The following SAMD4A variants were observed in gnomAD, a reference collection of about 807,000 sequenced individuals.
The protein encoded by SAMD4A is sterile alpha motif domain containing 4A, also known as protein Smaug homolog 1.
A neutral mutation model predicts 81.3 loss-of-function variants in SAMD4A; 33 were observed. That is an observed-to-expected ratio of 0.41 (90% CI 0.31 to 0.54). The LOEUF is 0.54. Among genes scored for constraint, SAMD4A ranks in the 20% least tolerant of loss-of-function variants. SAMD4A has a pLI of 0.37. For synonymous variants in SAMD4A, 389 were observed against 382.1 expected (o/e 1.02, Z -0.21); for missense variants, 854 against 951.1 (o/e 0.90, Z 1.34).
At position 54,776,683 on chromosome 14, in the gene SAMD4A, T is replaced by C. The variant is rs965747632; in HGVS notation, c.2044+143T>C. 3.8e-6 allele frequency: 4 copies of C among 1,059,746 alleles called. No homozygotes were observed. The African/African-American group carries it at 6.6e-5, about 18-fold the overall frequency. The allele number at this position is 1,059,746 out of a possible 1,614,324, so 65.6% of individuals were successfully genotyped here. A position where few individuals can be genotyped will look rare whatever the true frequency, so the allele number is the denominator to read the frequency against. The stretch of plus-strand genomic sequence containing the variant: ...TAGAAGCCTTTCCTTTTTTAAACTG[T>C]GCCTTGCCAGCATGAATAGCGGCGG... On this transcript the variant is annotated intron_variant, in intron 11 of 12. Coordinates refer to ENST00000554335, the MANE Select transcript of SAMD4A (RefSeq NM_015589.6).
intron 3 of SAMD4A, among the ~76,000 whole-genome samples, chr14:54,709,565 T>C (rs2036939339): frequency 6.6e-6 from 1 of 152,040 alleles, no homozygotes; most frequent in Admixed American, 6.5e-5. Flanking sequence ...TTGGATGACA[T>C]CAGAGCACTT....
intron 2 of SAMD4A, among the ~76,000 whole-genome samples, chr14:54,587,782 G>T (rs2033664165): frequency 6.6e-6 from 1 of 152,092 alleles, no homozygotes; most frequent in Admixed American, 6.5e-5. Context: ...TGTTGGATTT[G>T]GTTCGCTAGT....
Position 54,760,325 on chromosome 14 carries a change from C to T in SAMD4A, c.1341C>T (p.Ser447=), listed in dbSNP as rs1357443188. ...CACTGATGGGCCCCGAGAGCCAGAGCCCCGACTGCAAAGATGGGGCCGCAG... is the reference window on the plus strand; with the variant it reads ...CACTGATGGGCCCCGAGAGCCAGAGTCCCGACTGCAAAGATGGGGCCGCAG... The part of the protein sequence containing the change: ...QPSLMGPESQ[S]PDCKDGAAAT... The change falls in exon 7 of 13, where the codon AGC becomes AGT. Residue 447 remains serine (S), a synonymous_variant. Coordinates refer to ENST00000554335, the MANE Select transcript of SAMD4A (RefSeq NM_015589.6). 1 of 1,605,200 alleles carries T rather than the reference C, an allele frequency of 6.2e-7. No homozygotes were observed. Among genetic ancestry groups the T allele is most frequent in the Non-Finnish European group, 8.5e-7 (1 of 1,178,108 alleles).
chr14:54,759,989 G>A (rs2038347009), intron 6 of SAMD4A, among the ~76,000 whole-genome samples, 172 bp from the exon 7 acceptor site: 1 of 152,128 alleles, frequency 6.6e-6, no homozygotes, highest in Non-Finnish European at 1.5e-5. Context: ...TGTTCTTCCT[G>A]GGCCAATATT....
At chr14:54,579,078 A>T (rs897093142) in intron 2 of SAMD4A, among the ~76,000 whole-genome samples, 6 of 152,224 alleles carry the variant, frequency 3.9e-5, no homozygotes, top group Non-Finnish European at 8.8e-5. Flanking sequence ...ATATTCCTTG[A>T]ATGGTAAGAG....
At chr14:54,770,259 T>C in intron 9 of SAMD4A, 37 bp downstream of exon 9, 1 of 1,414,392 alleles carries the variant, frequency 7.1e-7, no homozygotes, top group South Asian at 1.2e-5. Flanking sequence ...TGCGTAGTGG[T>C]TCCCCTGGCG....
At position 54,574,171 on chromosome 14, in the gene SAMD4A, C is replaced by T. The variant is rs144925622; in HGVS notation, c.196+6059C>T. Reference sequence around the variant, plus strand: ...GTCAAAAGCTGAAATACACATTACTCCTCTCAAGTAGCTTACACTCGAGTT... The same window carrying T: ...GTCAAAAGCTGAAATACACATTACTTCTCTCAAGTAGCTTACACTCGAGTT... On this transcript the variant is annotated intron_variant, in intron 2 of 12. Transcript: ENST00000554335. Among the ~76,000 whole-genome samples, 128 of 152,330 alleles carry T rather than the reference C, an allele frequency of 8.4e-4. 3 individuals carry two copies. In the South Asian group the frequency reaches 0.021, roughly 25 times the overall value.
At chr14:54,688,928 A>ATTATTTTT (rs1314915827) in intron 2 of SAMD4A, among the ~76,000 whole-genome samples, 1 of 81,978 alleles carries the variant, frequency 1.2e-5, no homozygotes, top group Non-Finnish European at 2.9e-5. Context: ...AGAAGTCGTA[A>ATTATTTTT]TTCTTTTTTT....
chr14:54,670,343 T>A (rs1005997751), intron 2 of SAMD4A, among the ~76,000 whole-genome samples: 4 of 152,208 alleles, frequency 2.6e-5, no homozygotes, highest in Non-Finnish European at 5.9e-5. Flanking sequence ...GCTTTTCACA[T>A]AAAAGACCAA....
At chr14:54,624,407 C>T (rs1037452362) in intron 2 of SAMD4A, among the ~76,000 whole-genome samples, 3 of 152,250 alleles carry the variant, frequency 2.0e-5, no homozygotes, top group African/African-American at 7.2e-5. Flanking sequence ...GAACCACCTC[C>T]ATTGACCCTT....
chr14:54,783,340 G>A (rs568946638), intron 11 of SAMD4A, among the ~76,000 whole-genome samples: 2 of 152,202 alleles, frequency 1.3e-5, no homozygotes, highest in African/African-American at 4.8e-5. Context: ...GGCACTTCCA[G>A]GTAGTTGAGG....
chr14:54,573,124 G>C lies in SAMD4A; in HGVS notation c.196+5012G>C, dbSNP rs1480617295. On this transcript the variant is annotated intron_variant, in intron 2 of 12. Coordinates refer to ENST00000554335, the MANE Select transcript of SAMD4A (RefSeq NM_015589.6). ...TTATATATGAAGCACTTTTCACTTAGGGTTTTGTAATTTTCTTTGGGTCAG... is the reference window on the plus strand; with the variant it reads ...TTATATATGAAGCACTTTTCACTTACGGTTTTGTAATTTTCTTTGGGTCAG... 2.0e-5 allele frequency among the ~76,000 whole-genome samples: 3 copies of C among 152,316 alleles called. No homozygotes were observed. The South Asian group carries it at 6.2e-4, about 32-fold the overall frequency.
intron 2 of SAMD4A, among the ~76,000 whole-genome samples, chr14:54,671,368 A>T (rs1223431025): frequency 6.6e-6 from 1 of 152,142 alleles, no homozygotes; most frequent in Non-Finnish European, 1.5e-5. Flanking sequence ...CATCTTTGAA[A>T]TCTGGATAAT....
At chr14:54,715,160 G>C (rs1195965517) in intron 3 of SAMD4A, among the ~76,000 whole-genome samples, 1 of 152,028 alleles carries the variant, frequency 6.6e-6, no homozygotes, top group Non-Finnish European at 1.5e-5. Context: ...TTCAGGCCAG[G>C]GAAGTGTGAC....
intron 11 of SAMD4A, among the ~76,000 whole-genome samples, chr14:54,778,180 C>T (rs958915222): frequency 1.3e-5 from 2 of 152,224 alleles, no homozygotes; most frequent in Admixed American, 1.3e-4. Context: ...CTTCCTGCCA[C>T]TCTTTTGCCA....
chr14:54,655,179 C>T (rs1041749841), intron 2 of SAMD4A, among the ~76,000 whole-genome samples: 12 of 152,120 alleles, frequency 7.9e-5, no homozygotes, highest in Non-Finnish European at 1.5e-4. Flanking sequence ...CATTATTTTG[C>T]GGATGAAAGA....
At chr14:54,711,412 T>C (rs1206684155) in intron 3 of SAMD4A, among the ~76,000 whole-genome samples, 3 of 152,282 alleles carry the variant, frequency 2.0e-5, no homozygotes, top group African/African-American at 7.2e-5. Context: ...CTAGTGATCG[T>C]AAAAACAGCT....
intron 3 of SAMD4A, among the ~76,000 whole-genome samples, chr14:54,731,603 G>A (rs983338924): frequency 3.3e-5 from 5 of 152,118 alleles, no homozygotes; most frequent in Admixed American, 2.0e-4. Flanking sequence ...CTAGCTATTT[G>A]GATTGAATTA....
chr14:54,672,200 C>T (rs893280559), intron 2 of SAMD4A, among the ~76,000 whole-genome samples: 6 of 151,814 alleles, frequency 4.0e-5, no homozygotes, highest in Non-Finnish European at 5.9e-5. Context: ...GCTGGGAGTA[C>T]GGGCATATGC....
Sources: allele counts gnomAD v4.1 joint callset (sites outside exome capture counted in the v4.1 genomes callset), GRCh38; gene constraint gnomAD v4.1.1; transcripts MANE v1.5; gene names NCBI Gene and HGNC (gene_info 2026-07-23, HGNC 2026-07-21).